RESP18: variants seen among roughly 807,000 people sequenced by gnomAD.
RESP18 encodes regulated endocrine specific protein 18.
RESP18 carries 30 observed loss-of-function variants against 30.0 expected under a neutral mutation model. The observed-to-expected ratio is 1.00, with a 90% confidence interval of 0.75 to 1.36. The LOEUF (loss-of-function observed/expected upper bound fraction) is 1.36, where lower values mean the gene tolerates loss of function less well. Among genes scored for constraint, RESP18 ranks in the 40% most tolerant of loss-of-function variants. RESP18 has a pLI of 0.00. For missense variants in RESP18, 320 were observed against 284.2 expected, an observed-to-expected ratio of 1.13 and a Z score of -0.91; for synonymous variants, 117 against 111.2, an observed-to-expected ratio of 1.05 and a Z score of -0.33.
Position 219,329,167 on chromosome 2 carries a change from A to G in RESP18, c.551T>C (p.Val184Ala). Residue 184 changes from valine (V) to alanine (A), a missense_variant, in exon 5 of 7, where the codon GTC becomes GCC. Transcript: ENST00000333527. ...TAGAAAAAGTGAGCCCCTCACCTTG[A>G]CAGGGTTGGCCACCTCTTGTTTCAG... The G allele has an allele frequency of 4.5e-6, 7 of 1,551,494 alleles. No individual in the cohort carries two copies. The highest frequency in any genetic ancestry group is 1.2e-5 in the South Asian group (1 of 84,052).
intron 2 of RESP18, among the ~76,000 whole-genome samples, 187 bp downstream of exon 1, chr2:219,332,337 C>T (rs1250287492): frequency 6.6e-6 from 1 of 152,170 alleles, no homozygotes; most frequent in Non-Finnish European, 1.5e-5. Context: ...GAGTCCAGAC[C>T]CCATATGCCC....
chr2:219,330,376 C>T (rs1223431869), intron 3 of RESP18, among the ~76,000 whole-genome samples: 2 of 151,510 alleles, frequency 1.3e-5, no homozygotes, highest in African/African-American at 2.4e-5. Flanking sequence ...CCCTTTCATT[C>T]CTCCCATCTG....
chr2:219,331,993 G>T (rs1223432552), intron 2 of RESP18, among the ~76,000 whole-genome samples: 1 of 152,202 alleles, frequency 6.6e-6, no homozygotes, highest in Non-Finnish European at 1.5e-5. Context: ...AGGAGTTCTC[G>T]AGTGTGCGCA....
intron 3 of RESP18, 137 bp from the exon 3 acceptor site, chr2:219,329,901 G>C: frequency 1.2e-6 from 1 of 835,952 alleles, no homozygotes; most frequent in Non-Finnish European, 1.8e-6. Flanking sequence ...TATTAAAGTT[G>C]CTTAGCATAG....
At chr2:219,329,586 C>T (rs1367961838) in intron 4 of RESP18, 51 bp downstream of exon 3, 1 of 1,547,838 alleles carries the variant, frequency 6.5e-7, no homozygotes, top group Non-Finnish European at 8.7e-7. Flanking sequence ...CTTCCCTGTT[C>T]CGTCTGTCTG....
chr2:219,329,412 A>G, intron 4 of RESP18, 160 bp from the exon 4 acceptor site: 2 of 1,551,076 alleles, frequency 1.3e-6, no homozygotes, highest in South Asian at 2.4e-5. Context: ...TTGCTAGAAG[A>G]GACAGGGAAT....
intron 5 of RESP18, 40 bp from the exon 5 acceptor site, chr2:219,329,048 A>G: frequency 6.6e-7 from 1 of 1,510,642 alleles, no homozygotes; most frequent in Non-Finnish European, 9.0e-7. Flanking sequence ...TTGATTAGGA[A>G]TGGAAAAATC....
At chr2:219,333,112 T>C in intron 1 of RESP18, 1 of 1,226,090 alleles carries the variant, frequency 8.2e-7, no homozygotes, top group Non-Finnish European at 1.1e-6. Flanking sequence ...TATATATATA[T>C]ATAATATTAT....
intron 1 of RESP18, among the ~76,000 whole-genome samples, 199 bp from the exon 1 acceptor site, chr2:219,332,943 G>C (rs1007848982): frequency 6.6e-6 from 1 of 152,082 alleles, no homozygotes; most frequent in Non-Finnish European, 1.5e-5. Flanking sequence ...CGTAAGATAC[G>C]GGTGCAAGTT....
intron 6 of RESP18, among the ~76,000 whole-genome samples, chr2:219,327,844 G>A (rs1376095274): frequency 6.6e-6 from 1 of 152,192 alleles, no homozygotes; most frequent in East Asian, 1.9e-4. Flanking sequence ...GTAGGTCTCT[G>A]TCACTTCTGT....
In RESP18 at chr2:219,329,695, T is replaced by G. The variant is rs1952809647; in HGVS notation, c.407A>C (p.His136Pro). 1 of 1,551,680 alleles carries G rather than the reference T, an allele frequency of 6.4e-7. No homozygotes were observed. Among genetic ancestry groups the G allele is most frequent in the African/African-American group, 1.4e-5 (1 of 73,162 alleles). ...ATCCTTCAGGCATGGTTCTTGGGGATGCAGTCTGCTGGCATGCTCCATCTT... is the reference window on the plus strand; with the variant it reads ...ATCCTTCAGGCATGGTTCTTGGGGAGGCAGTCTGCTGGCATGCTCCATCTT... Residue 136 changes from histidine to proline, a missense_variant, in exon 4 of 7, where the codon CAT (histidine) becomes CCT (proline). Physicochemically the swap from His to Pro is moderately conservative, Grantham distance 77 (BLOSUM62 -2). Transcript: ENST00000333527.
rs558874641 is a variant in RESP18, at chr2:219,333,093, G to A, written c.17+68C>T. On this transcript the variant is annotated intron_variant, in intron 1 of 6. Coordinates refer to ENST00000333527, the MANE Select transcript of RESP18 (RefSeq NM_001007089.4). ...AACCCTTTAGAAATCATATAGGTTCGATCTGCTATATATATATATATAATA... is the reference window on the plus strand; with the variant it reads ...AACCCTTTAGAAATCATATAGGTTCAATCTGCTATATATATATATATAATA... The A allele has an allele frequency of 5.9e-3, 7,188 of 1,213,994 alleles. 33 individuals carry two copies. Among genetic ancestry groups the A allele is most frequent in the Non-Finnish European group, 7.3e-3 (6,749 of 920,304 alleles). The allele number at this position is 1,213,994 out of a possible 1,614,324, so 75.2% of individuals were successfully genotyped here. A position where few individuals can be genotyped will look rare whatever the true frequency, so the allele number is the denominator to read the frequency against.
At chr2:219,328,857 T>C in intron 6 of RESP18, 67 bp downstream of exon 5, 1 of 993,526 alleles carries the variant, frequency 1.0e-6, no homozygotes, top group Non-Finnish European at 1.6e-6. Context: ...AGGGCATATA[T>C]GGCAAAAAGG....
chr2:219,329,336 A>G (rs1402739649), intron 4 of RESP18, 84 bp from the exon 4 acceptor site: 1 of 1,551,796 alleles, frequency 6.4e-7, no homozygotes, highest in Non-Finnish European at 8.7e-7. Context: ...ATACAAAGTC[A>G]GGGATTCACA....
chr2:219,328,368 A>G (rs1259658402), intron 6 of RESP18, among the ~76,000 whole-genome samples: 1 of 152,068 alleles, frequency 6.6e-6, no homozygotes, highest in African/African-American at 2.4e-5. Context: ...CGTAGTGGCA[A>G]TGCTGTCTGC....
chr2:219,330,981 CTG>C (rs1387408975), intron 2 of RESP18, 106 bp from the exon 2 acceptor site: 1 of 686,878 alleles, frequency 1.5e-6, no homozygotes, highest in Non-Finnish European at 2.6e-6. Flanking sequence ...CCCCTGACCT[CTG>C]TTCCCACTAC....
intron 2 of RESP18, among the ~76,000 whole-genome samples, chr2:219,331,502 GAA>G (rs1952830268): frequency 6.6e-6 from 1 of 152,156 alleles, no homozygotes; most frequent in Non-Finnish European, 1.5e-5. Context: ...TTAGAAAAGG[GAA>G]TTCTCCTACC....
chr2:219,332,080 C>G (rs1158891472), intron 2 of RESP18, among the ~76,000 whole-genome samples: 2 of 152,200 alleles, frequency 1.3e-5, no homozygotes, highest in Non-Finnish European at 2.9e-5. Context: ...CATTCCCCCT[C>G]CATCCTGCTT....
intron 6 of RESP18, among the ~76,000 whole-genome samples, chr2:219,327,916 A>C (rs980644676): frequency 6.6e-6 from 1 of 152,214 alleles, no homozygotes; most frequent in Non-Finnish European, 1.5e-5. Context: ...CAGCTGCCAC[A>C]TTATGGAAGT....
Sources: gnomAD v4.1 joint callset for allele counts (sites outside exome capture counted in the v4.1 genomes callset) on GRCh38, gnomAD v4.1.1 for gene constraint, MANE v1.5 for transcripts, NCBI Gene and HGNC (gene_info 2026-07-23, HGNC 2026-07-21) for gene names.